The following SAMD4B variants were observed in gnomAD, a reference collection of about 807,000 sequenced individuals.
SAMD4B encodes sterile alpha motif domain containing 4B.
A neutral mutation model predicts 74.5 loss-of-function variants in SAMD4B; 5 were observed. The ratio of observed to expected loss-of-function variants is 0.07; its 90% confidence interval spans 0.04 to 0.14. The LOEUF is 0.14. Ranked by LOEUF, SAMD4B falls within the 10% of genes least tolerant of loss-of-function variation. The pLI, the probability that SAMD4B is intolerant of heterozygous loss-of-function variation, is 1.00. For missense variants in SAMD4B, 608 were observed against 921.8 expected (o/e 0.66, Z 4.41); for synonymous variants, 373 against 374.9 (o/e 1.00, Z 0.06).
chr19:39,345,988 A>G (rs898080446), intron 1 of SAMD4B, among the ~76,000 whole-genome samples: 1 of 151,752 alleles, frequency 6.6e-6, no homozygotes, highest in Admixed American at 6.6e-5. Context: ...TTGCCTGGTG[A>G]CCTGCCTCAC....
In SAMD4B at chr19:39,383,104, A is replaced by G. The variant is rs996009928; in HGVS notation, c.1973-104A>G. 1 of 895,782 alleles carries G rather than the reference A, an allele frequency of 1.1e-6. No individual in the cohort carries two copies. 55.5% of individuals were successfully genotyped at this position (895,782 alleles called of 1,614,324 possible). A position where few individuals can be genotyped will look rare whatever the true frequency, so the allele number is the denominator to read the frequency against. ...CTCCCGTTCTTCCCTCTCCCCCTCC[A>G]TCTCTCTTGCTCCCTTCCCATACCA... is the stretch of plus-strand genomic sequence containing the variant. On this transcript the variant is annotated intron_variant, in intron 12 of 13. Coordinates refer to ENST00000610417, the MANE Select transcript of SAMD4B (RefSeq NM_001384574.2). The surrounding 1 kb of genome is among the most constrained non-coding windows in gnomAD (Gnocchi z 4.1).
intron 3 of SAMD4B, among the ~76,000 whole-genome samples, chr19:39,367,941 G>C (rs901334224): frequency 6.6e-6 from 1 of 151,636 alleles, no homozygotes. Flanking sequence ...GAGGCCGGGC[G>C]CAGTGGCTCA....
At chr19:39,369,596 AG>A in intron 3 of SAMD4B, 58 bp from the exon 4 acceptor site, 2 of 1,387,282 alleles carry the variant, frequency 1.4e-6, no homozygotes, top group Non-Finnish European at 2.0e-6. Context: ...CAGTGCTCTC[AG>A]GTGAATAGGA....
In SAMD4B at chr19:39,377,361, C is replaced by G. The variant is rs545446147; in HGVS notation, c.1105-124C>G. 9 of 720,078 alleles carry G rather than the reference C, an allele frequency of 1.2e-5. No individual in the cohort carries two copies. In the African/African-American group the frequency reaches 1.6e-4, roughly 13 times the overall value. 44.6% of individuals were successfully genotyped at this position (720,078 alleles called of 1,614,324 possible). ...CTTGCAGTACCCTTACATGCCTTCT[C>G]TATGTGCTGGAACCCAGGGTCCTAC... On this transcript the variant is annotated intron_variant, in intron 7 of 13. Transcript: ENST00000610417.
In SAMD4B at chr19:39,364,297, A is replaced by G. The variant is rs533248974; in HGVS notation, c.197-5358A>G. Among the ~76,000 whole-genome samples the G allele has an allele frequency of 1.8e-4, 28 of 152,296 alleles. No homozygotes were observed. In the South Asian group the frequency reaches 4.6e-3, roughly 25 times the overall value. On this transcript the variant is annotated intron_variant, in intron 3 of 13. Coordinates refer to ENST00000610417, the MANE Select transcript of SAMD4B (RefSeq NM_001384574.2). ...TCCCAGATGCCTCTGGCTATGCTGC[A>G]AGGCCTAAACAACAGCGATTGAGAA...
intron 12 of SAMD4B, among the ~76,000 whole-genome samples, chr19:39,382,370 G>T (rs891578439): frequency 6.6e-6 from 1 of 152,174 alleles, no homozygotes; most frequent in Non-Finnish European, 1.5e-5. Context: ...CCAACTGTAT[G>T]TGTAAGGACG....
chr19:39,389,384 CTGGGG>C, downstream of SAMD4B: 1 of 1,614,072 alleles, frequency 6.2e-7, no homozygotes, highest in Non-Finnish European at 8.5e-7. This position sits in a 1 kb window ranked among gnomAD's most constrained non-coding sequence, Gnocchi z 5.3. Flanking sequence ...CTGCTGGGAT[CTGGGG>C]TGGGAAATCA....
At chr19:39,389,615 A>C, downstream of SAMD4B, 2 of 1,614,236 alleles carry the variant, frequency 1.2e-6, no homozygotes, top group Non-Finnish European at 1.7e-6. This position sits in a 1 kb window ranked among gnomAD's most constrained non-coding sequence, Gnocchi z 5.3. Context: ...GACCTAGAGC[A>C]GACCCTCCCT....
In SAMD4B at chr19:39,375,502, C is replaced by G. The variant is rs1434850373; in HGVS notation, c.668-148C>G. On this transcript the variant is annotated intron_variant, in intron 4 of 13. Transcript: ENST00000610417. This position sits in a 1 kb window ranked among gnomAD's most constrained non-coding sequence, Gnocchi z 4.1. Reference sequence around the variant, plus strand: ...TTGGAGGTAAGAGAATGAGGTATATCTGGTAGGCAGTTACCCTTGGACCCC... The same window carrying G: ...TTGGAGGTAAGAGAATGAGGTATATGTGGTAGGCAGTTACCCTTGGACCCC... The G allele has an allele frequency of 2.1e-6, 2 of 965,610 alleles. No individual in the cohort carries two copies. Among genetic ancestry groups the G allele is most frequent in the Non-Finnish European group, 3.1e-6 (2 of 640,442 alleles). 59.8% of individuals were successfully genotyped at this position (965,610 alleles called of 1,614,324 possible).
At position 39,379,998 on chromosome 19, in the gene SAMD4B, A is replaced by C. The variant is rs1308092131; in HGVS notation, c.1563A>C (p.Leu521=). ...CGGAGACGCAGAAGAAACGGCTGCT[A>C]TCCTGGAAACAGCAAGTGCTGAAGC... The part of the protein sequence containing the change: ...AFTETQKKRL[L]SWKQQVLKLL... The change falls in exon 10 of 14, where the codon CTA becomes CTC. Residue 521 remains leucine, a synonymous_variant. Coordinates refer to ENST00000610417, the MANE Select transcript of SAMD4B (RefSeq NM_001384574.2). 6.2e-7 allele frequency: 1 copy of C among 1,613,954 alleles called. No homozygotes were observed. Among genetic ancestry groups the C allele is most frequent in the Non-Finnish European group, 8.5e-7 (1 of 1,179,986 alleles).
intron 2 of SAMD4B, among the ~76,000 whole-genome samples, chr19:39,355,782 A>C (rs2076311290): frequency 1.3e-5 from 2 of 152,216 alleles, no homozygotes; most frequent in South Asian, 4.1e-4. Flanking sequence ...GTAGCTTGTG[A>C]GTTTTTGACT....
At chr19:39,359,780 A>G (rs1157504757) in intron 3 of SAMD4B, 1 of 152,208 alleles carries the variant, frequency 6.6e-6, no homozygotes, top group East Asian at 1.9e-4. Flanking sequence ...CACATGGTAC[A>G]TGTGGTCTTC....
Position 39,369,864 on chromosome 19 carries a change from A to G in SAMD4B, c.406A>G (p.Thr136Ala). 6.2e-7 allele frequency: 1 copy of G among 1,614,220 alleles called. No individual in the cohort carries two copies. The highest frequency in any genetic ancestry group is 8.5e-7 in the Non-Finnish European group (1 of 1,180,042). The stretch of plus-strand genomic sequence containing the variant: ...CTATGCCCTCATCCACCCAGCCACC[A>G]CACTGGAGGACCGCAACGCACTGGC... ...LSYALIHPAT[T>A]LEDRNALALW... The change falls in exon 4 of 14, where the codon ACA becomes GCA. Residue 136 changes from threonine to alanine, a missense_variant. Thr to Ala is a moderately conservative substitution (Grantham distance 58). Transcript: ENST00000610417.
intron 4 of SAMD4B, among the ~76,000 whole-genome samples, chr19:39,370,588 C>T (rs1462482504): frequency 6.6e-6 from 1 of 152,196 alleles, no homozygotes. Context: ...TACCTGGCCT[C>T]TAAGGGCATC....
Position 39,369,659 on chromosome 19 carries a change from C to T in SAMD4B, c.201C>T (p.Ile67=), listed in dbSNP as rs61736260. 0.017 allele frequency: 27,850 copies of T among 1,613,430 alleles called. 280 individuals are homozygous for T. The highest frequency in any genetic ancestry group is 0.02 in the Non-Finnish European group (24,099 of 1,179,534). The part of the protein sequence containing the change: ...LLESEANSAA[I]VSQWQQESKE... ...TTCTTCTTATCCCTTCTGTAGCCAT[C>T]GTCAGCCAGTGGCAGCAGGAGTCCA... The change falls in exon 4 of 14, where the codon ATC becomes ATT. Residue 67 remains isoleucine (I), a synonymous_variant. Coordinates refer to ENST00000610417, the MANE Select transcript of SAMD4B (RefSeq NM_001384574.2).
intron 4 of SAMD4B, among the ~76,000 whole-genome samples, chr19:39,374,599 T>C (rs962440335): frequency 2.6e-5 from 4 of 152,170 alleles, no homozygotes; most frequent in Admixed American, 1.3e-4. Flanking sequence ...CCCAGCACTT[T>C]AGGAGGCTGA....
chr19:39,390,139 TGACTC>T (rs1422691781), downstream of SAMD4B: 2 of 1,614,070 alleles, frequency 1.2e-6, no homozygotes, highest in Non-Finnish European at 1.7e-6. Context: ...TTGCAGTACT[TGACTC>T]GGCAGACCAC....
At chr19:39,349,927 A>G (rs1457976872) in intron 1 of SAMD4B, 5 of 152,228 alleles carry the variant, frequency 3.3e-5, no homozygotes, top group Admixed American at 6.5e-5. Context: ...GTTAAGAGCA[A>G]GCAAGAGCTC....
At chr19:39,380,436 AG>A (rs1289017952) in intron 10 of SAMD4B, 150 bp from the exon 11 acceptor site, 4 of 796,910 alleles carry the variant, frequency 5.0e-6, no homozygotes, top group Admixed American at 4.1e-5. Flanking sequence ...ATCTCCTTCC[AG>A]GGGGTACCCT....
Sources: allele counts gnomAD v4.1 joint callset (sites outside exome capture counted in the v4.1 genomes callset), GRCh38; gene constraint gnomAD v4.1.1; non-coding constraint Gnocchi (gnomAD v3.1); transcripts MANE v1.5; gene names NCBI Gene and HGNC (gene_info 2026-07-23, HGNC 2026-07-21).